The following GABRG2 variants were observed in gnomAD, a reference collection of about 807,000 sequenced individuals.
The protein encoded by GABRG2 is gamma-aminobutyric acid receptor subunit gamma-2.
A neutral mutation model predicts 56.4 loss-of-function variants in GABRG2; 16 were observed. That is an observed-to-expected ratio of 0.28 (90% CI 0.19 to 0.43). GABRG2 has a LOEUF of 0.43. GABRG2 is among the 20% of genes least tolerant of loss of function. GABRG2 has a pLI of 1.00. For missense variants in GABRG2, 327 were observed against 582.7 expected (o/e 0.56, Z 4.52); for synonymous variants, 208 against 205.5 (o/e 1.01, Z -0.10).
intron 1 of GABRG2, among the ~76,000 whole-genome samples, chr5:162,075,859 C>A (rs986911671): frequency 9.2e-5 from 14 of 151,980 alleles, no homozygotes; most frequent in Non-Finnish European, 1.6e-4. Flanking sequence ...AGTTTGATGA[C>A]CCTCAGTCAA....
chr5:162,138,602 A>G (rs866499928), intron 6 of GABRG2, among the ~76,000 whole-genome samples: 2 of 152,306 alleles, frequency 1.3e-5, no homozygotes, highest in South Asian at 2.1e-4. Context: ...GAGCTAGAAA[A>G]AGGAATGTAA....
At chr5:162,080,053 G>A (rs1759527350) in intron 1 of GABRG2, among the ~76,000 whole-genome samples, 1 of 152,160 alleles carries the variant, frequency 6.6e-6, no homozygotes, top group Non-Finnish European at 1.5e-5. Flanking sequence ...GAAGTACTGT[G>A]TTAAATGTAG....
chr5:162,123,000 T>C (rs1300644869), intron 6 of GABRG2, among the ~76,000 whole-genome samples: 1 of 151,876 alleles, frequency 6.6e-6, no homozygotes, highest in African/African-American at 2.4e-5. Flanking sequence ...TATCTTGCAC[T>C]ATATATCTGG....
chr5:162,102,793 C>T (rs1488536527), intron 5 of GABRG2: 1 of 327,138 alleles, frequency 3.1e-6, no homozygotes, highest in South Asian at 2.5e-5. Flanking sequence ...TATCATATCT[C>T]TCTCCATCCC....
chr5:162,087,023 T>A (rs1487012052), intron 1 of GABRG2, among the ~76,000 whole-genome samples: 1 of 152,038 alleles, frequency 6.6e-6, no homozygotes, highest in African/African-American at 2.4e-5. Flanking sequence ...TGCCAAAATA[T>A]TTTCCCTCCA....
intron 1 of GABRG2, among the ~76,000 whole-genome samples, chr5:162,087,532 A>G (rs951101378): frequency 6.6e-6 from 1 of 152,096 alleles, no homozygotes; most frequent in African/African-American, 2.4e-5. Flanking sequence ...GTGGATACAT[A>G]CAAAGAAGCA....
intron 5 of GABRG2, chr5:162,103,363 T>C (rs1761575210): frequency 1.3e-5 from 2 of 159,462 alleles, no homozygotes; most frequent in African/African-American, 4.8e-5. Context: ...TATATTAAAA[T>C]GGAGTCCCAA....
chr5:162,142,982 A>G (rs2113603273), intron 7 of GABRG2: 1 of 152,090 alleles, frequency 6.6e-6, no homozygotes, highest in Non-Finnish European at 1.5e-5. Flanking sequence ...AACTTTTCTT[A>G]AGAAATTTTA....
intron 6 of GABRG2, among the ~76,000 whole-genome samples, chr5:162,114,530 T>A (rs910133042): frequency 2.0e-5 from 3 of 151,906 alleles, no homozygotes; most frequent in African/African-American, 7.3e-5. Flanking sequence ...AAGAGCGAAA[T>A]TCTGTCTCAA....
intron 1 of GABRG2, among the ~76,000 whole-genome samples, chr5:162,087,966 G>A (rs528433145): frequency 6.6e-6 from 1 of 152,236 alleles, no homozygotes; most frequent in East Asian, 1.9e-4. Context: ...GTAATTTTAA[G>A]TAGGACAATT....
chr5:162,085,432 A>G (rs759304425), intron 1 of GABRG2, among the ~76,000 whole-genome samples: 1 of 151,956 alleles, frequency 6.6e-6, no homozygotes, highest in Non-Finnish European at 1.5e-5. Flanking sequence ...TCTAACCACA[A>G]TTTAACATGC....
Position 162,117,438 on chromosome 5 carries a change from T to G in GABRG2, c.769+13412T>G, listed in dbSNP as rs1020949267. Among the ~76,000 whole-genome samples, 3 of 151,912 alleles carry G rather than the reference T, an allele frequency of 2.0e-5. No homozygotes were observed. The East Asian group carries it at 5.8e-4, about 29-fold the overall frequency. The stretch of plus-strand genomic sequence containing the variant: ...ATTGTCTTGATTGTTATTATTCTTT[T>G]CATGGAAAAAAAAAATCCTTAATGT... On this transcript the variant is annotated intron_variant, in intron 6 of 9. Transcript: ENST00000639213.
intron 6 of GABRG2, among the ~76,000 whole-genome samples, chr5:162,115,581 A>T (rs1437282639): frequency 6.6e-6 from 1 of 152,072 alleles, no homozygotes. Context: ...GCAAGGGTGG[A>T]TGCTAACTGA....
At chr5:162,086,863 A>AT (rs1561639339) in intron 1 of GABRG2, among the ~76,000 whole-genome samples, 1 of 151,776 alleles carries the variant, frequency 6.6e-6, no homozygotes, top group Non-Finnish European at 1.5e-5. Context: ...CTTGAGTTCT[A>AT]TTTTTTCCTG....
chr5:162,081,502 C>T (rs534777033), intron 1 of GABRG2, among the ~76,000 whole-genome samples: 11 of 151,928 alleles, frequency 7.2e-5, no homozygotes, highest in Non-Finnish European at 1.3e-4. Flanking sequence ...ACAACAACAA[C>T]AACTACAAAA....
At chr5:162,124,145 C>T (rs1010143091) in intron 6 of GABRG2, among the ~76,000 whole-genome samples, 13 of 151,646 alleles carry the variant, frequency 8.6e-5, no homozygotes, top group African/African-American at 3.1e-4. Flanking sequence ...AAAAAAGGGG[C>T]ATTTAGGCCA....
intron 6 of GABRG2, among the ~76,000 whole-genome samples, chr5:162,139,160 A>T (rs1764362256): frequency 6.6e-6 from 1 of 152,198 alleles, no homozygotes; most frequent in South Asian, 2.1e-4. Flanking sequence ...CTAAATTAAG[A>T]CCAAAGCAGG....
At chr5:162,141,611 A>T (rs1419869592) in intron 6 of GABRG2, among the ~76,000 whole-genome samples, 2 of 152,210 alleles carry the variant, frequency 1.3e-5, no homozygotes, top group Non-Finnish European at 2.9e-5. Context: ...AATGTAAAGT[A>T]ACTGCCATAA....
At chr5:162,151,187 GA>G (rs1765347758) in intron 8 of GABRG2, 1 of 154,148 alleles carries the variant, frequency 6.5e-6, no homozygotes, top group African/African-American at 2.4e-5. Context: ...GGAAATGGCA[GA>G]AGAAGAAAAG....
Sources: allele counts gnomAD v4.1 joint callset (sites outside exome capture counted in the v4.1 genomes callset), GRCh38; gene constraint gnomAD v4.1.1; transcripts MANE v1.5; gene names NCBI Gene and HGNC (gene_info 2026-07-23, HGNC 2026-07-21).